PPM1L: variants seen among roughly 807,000 people sequenced by gnomAD.
PPM1L encodes protein phosphatase 1L.
PPM1L carries 13 observed loss-of-function variants against 31.4 expected under a neutral mutation model. The observed-to-expected ratio is 0.41, with a 90% confidence interval of 0.27 to 0.66. PPM1L has a LOEUF of 0.66. Ranked by LOEUF, PPM1L falls within the 30% of genes least tolerant of loss-of-function variation. The pLI, the probability that PPM1L is intolerant of heterozygous loss-of-function variation, is 0.29. For synonymous variants in PPM1L, 184 were observed against 175.4 expected, an observed-to-expected ratio of 1.05 and a Z score of -0.39; for missense variants, 326 against 453.7, an observed-to-expected ratio of 0.72 and a Z score of 2.56.
chr3:160,788,311 C>T (rs145027202), intron 1 of PPM1L, among the ~76,000 whole-genome samples: 67 of 152,110 alleles, frequency 4.4e-4, no homozygotes, highest in Middle Eastern at 3.4e-3. Context: ...TTGTAATTCT[C>T]GTTGTAGAGA....
chr3:160,947,167 A>T (rs1715434603), intron 1 of PPM1L, among the ~76,000 whole-genome samples: 1 of 152,194 alleles, frequency 6.6e-6, no homozygotes, highest in Non-Finnish European at 1.5e-5. Flanking sequence ...ACCCATTTTA[A>T]TGAAAAGAAA....
At chr3:160,940,356 A>G (rs1715121769) in intron 1 of PPM1L, among the ~76,000 whole-genome samples, 1 of 152,234 alleles carries the variant, frequency 6.6e-6, no homozygotes, top group Non-Finnish European at 1.5e-5. Flanking sequence ...CCTAATGTTC[A>G]TCCCCAAGAC....
At position 161,078,129 on chromosome 3, in the gene PPM1L, A is replaced by T. The variant is rs990077868; in HGVS notation, c.*8972A>T. Reference sequence around the variant, plus strand: ...ATAAAAGGAAATTCAAATGAAACCAAGCCAATTTCTGATTTAGTAAGATTA... The same window carrying T: ...ATAAAAGGAAATTCAAATGAAACCATGCCAATTTCTGATTTAGTAAGATTA... On this transcript the variant is annotated 3_prime_UTR_variant, in exon 4 of 4. Coordinates refer to ENST00000498165, the MANE Select transcript of PPM1L (RefSeq NM_139245.4). The T allele has an allele frequency of 1.2e-4, 19 of 152,222 alleles. No individual in the cohort carries two copies. The highest frequency in any genetic ancestry group is 1.2e-3 in the Admixed American group (19 of 15,284). 9.4% of individuals were successfully genotyped at this position (152,222 alleles called of 1,614,324 possible).
At chr3:160,910,460 C>T (rs866078287) in intron 1 of PPM1L, among the ~76,000 whole-genome samples, 7 of 151,996 alleles carry the variant, frequency 4.6e-5, no homozygotes, top group African/African-American at 7.2e-5. Flanking sequence ...TTAAGGCATG[C>T]GCCACCACAC....
intron 1 of PPM1L, among the ~76,000 whole-genome samples, chr3:160,909,074 G>A (rs762735551): frequency 6.6e-6 from 1 of 152,198 alleles, no homozygotes; most frequent in Non-Finnish European, 1.5e-5. Flanking sequence ...AAATTGTCAA[G>A]GTCCTGAGTG....
intron 2 of PPM1L, among the ~76,000 whole-genome samples, chr3:160,993,230 C>CA (rs1479082335): frequency 6.6e-6 from 1 of 152,040 alleles, no homozygotes; most frequent in African/African-American, 2.4e-5. Flanking sequence ...GAATATCTAA[C>CA]AAAAAACTTT....
intron 2 of PPM1L, among the ~76,000 whole-genome samples, chr3:160,993,411 A>G (rs923355530): frequency 2.0e-5 from 3 of 152,204 alleles, no homozygotes; most frequent in Admixed American, 6.5e-5. Context: ...AAGTCAGGTA[A>G]GAAAACATGG....
At position 161,060,024 on chromosome 3, in the gene PPM1L, A is replaced by G. The variant is rs189456900; in HGVS notation, c.575-5379A>G. Among the ~76,000 whole-genome samples the G allele has an allele frequency of 9.7e-4, 148 of 152,276 alleles. 1 individual carries two copies. The highest frequency in any genetic ancestry group is 4.3e-4 in the Non-Finnish European group (29 of 68,016). On this transcript the variant is annotated intron_variant, in intron 2 of 3. Coordinates refer to ENST00000498165, the MANE Select transcript of PPM1L (RefSeq NM_139245.4). ...ATTACCCAGTCTCAGGTATTTCTTT[A>G]TAGCAGTGTAAGAATGGACTAATAT...
At chr3:161,044,081 C>A (rs1718986603) in intron 2 of PPM1L, among the ~76,000 whole-genome samples, 1 of 152,098 alleles carries the variant, frequency 6.6e-6, no homozygotes, top group Admixed American at 6.5e-5. Flanking sequence ...GCTCTGTCAC[C>A]CAGGGTAGAG....
chr3:161,049,122 A>G (rs1328928981), intron 2 of PPM1L, among the ~76,000 whole-genome samples: 1 of 151,822 alleles, frequency 6.6e-6, no homozygotes, highest in Non-Finnish European at 1.5e-5. Context: ...TCCAAAACAT[A>G]CAAAAATTAG....
At chr3:160,926,982 A>G (rs1459619975) in intron 1 of PPM1L, among the ~76,000 whole-genome samples, 1 of 152,232 alleles carries the variant, frequency 6.6e-6, no homozygotes, top group African/African-American at 2.4e-5. Flanking sequence ...GCCTCACAGC[A>G]TGTATTATTT....
At chr3:160,855,106 C>T (rs1711643128) in intron 1 of PPM1L, among the ~76,000 whole-genome samples, 1 of 151,990 alleles carries the variant, frequency 6.6e-6, no homozygotes, top group South Asian at 2.1e-4. Flanking sequence ...ACAAAGTCAA[C>T]AAAAACAAGC....
chr3:160,903,296 C>G (rs1405564720), intron 1 of PPM1L, among the ~76,000 whole-genome samples: 2 of 150,984 alleles, frequency 1.3e-5, no homozygotes, highest in African/African-American at 4.9e-5. Context: ...GCTGGCAGAT[C>G]AAATTCTGTG....
Position 160,946,617 on chromosome 3 carries a change from C to T in PPM1L, c.400-15119C>T, listed in dbSNP as rs541738435. ...TCTATACATTTGAGTATTTTTTTTT[C>T]CTACTCCTCTGTTTGTGGGCAACTT... On this transcript the variant is annotated intron_variant, in intron 1 of 3. Transcript: ENST00000498165. Among the ~76,000 whole-genome samples the T allele has an allele frequency of 6.7e-4, 102 of 151,654 alleles. No individual in the cohort carries two copies. In the Middle Eastern group the frequency reaches 0.037, roughly 56 times the overall value.
chr3:161,006,422 A>C (rs1026191694), intron 2 of PPM1L, among the ~76,000 whole-genome samples: 5 of 152,142 alleles, frequency 3.3e-5, no homozygotes, highest in Admixed American at 3.3e-4. Flanking sequence ...AATTCTAAAG[A>C]TCTGTTATAC....
rs372126419 is a variant in PPM1L at position 161,006,961 on chromosome 3, C to T, written c.574+45051C>T. Among the ~76,000 whole-genome samples, 43 of 152,286 alleles carry T rather than the reference C, an allele frequency of 2.8e-4. No individual in the cohort carries two copies. In the East Asian group the frequency reaches 4.6e-3, roughly 16 times the overall value. ...CCTCCCAAAGTGCTGGGATTATAGG[C>T]GTGAGCCACCGCGCCCGGCCCCCTA... On this transcript the variant is annotated intron_variant, in intron 2 of 3. Coordinates refer to ENST00000498165, the MANE Select transcript of PPM1L (RefSeq NM_139245.4).
rs1720116326 is a variant in PPM1L, at chr3:161,076,840, G to GA, written c.*7687dup. 6.6e-6 allele frequency: 1 copy of GA among 152,048 alleles called. No homozygotes were observed. The highest frequency in any genetic ancestry group is 2.1e-4 in the South Asian group (1 of 4,830). 9.4% of individuals were successfully genotyped at this position (152,048 alleles called of 1,614,324 possible). ...TGCTCACATACATAATTTGTATAAG[G>GA]AAAATGTATGAGTTTTTTTCTTAAA... On this transcript the variant is annotated 3_prime_UTR_variant, in exon 4 of 4. Transcript: ENST00000498165.
chr3:160,827,618 A>G (rs1713396253), intron 1 of PPM1L, among the ~76,000 whole-genome samples: 2 of 151,562 alleles, frequency 1.3e-5, no homozygotes, highest in Admixed American at 6.6e-5. Flanking sequence ...GTATAAAAAC[A>G]TGTGGCCAAA....
chr3:160,781,630 A>G (rs1711750937), intron 1 of PPM1L, among the ~76,000 whole-genome samples: 1 of 152,182 alleles, frequency 6.6e-6, no homozygotes, highest in Non-Finnish European at 1.5e-5. Context: ...ATTTCCTGCA[A>G]TAGGAGAGAT....
Sources: allele counts gnomAD v4.1 joint callset (sites outside exome capture counted in the v4.1 genomes callset), GRCh38; gene constraint gnomAD v4.1.1; transcripts MANE v1.5; gene names NCBI Gene and HGNC (gene_info 2026-07-23, HGNC 2026-07-21).